The following PHC3 variants were observed in gnomAD, a reference collection of about 807,000 sequenced individuals.
PHC3 encodes the protein polyhomeotic-like protein 3.
PHC3 carries 13 observed loss-of-function variants against 107.4 expected under a neutral mutation model. The ratio of observed to expected loss-of-function variants is 0.12; its 90% confidence interval spans 0.08 to 0.19. The LOEUF (loss-of-function observed/expected upper bound fraction) is 0.19. PHC3 is among the 10% of genes least tolerant of loss of function. The pLI is 1.00. For synonymous variants in PHC3, 456 were observed against 427.4 expected (o/e 1.07, Z -0.83); for missense variants, 992 against 1,210.9 (o/e 0.82, Z 2.68).
chr3:170,119,036 T>TAAAAAAAAA (rs1002478959), intron 9 of PHC3, among the ~76,000 whole-genome samples: 31 of 72,564 alleles, frequency 4.3e-4, no homozygotes, highest in East Asian at 2.8e-3. Flanking sequence ...TATAAAAAGC[T>TAAAAAAAAA]AAAAAAAAAA....
intron 10 of PHC3, among the ~76,000 whole-genome samples, chr3:170,113,795 C>T (rs901845932): frequency 6.6e-6 from 1 of 152,136 alleles, no homozygotes; most frequent in African/African-American, 2.4e-5. Flanking sequence ...AAAAAAAAGT[C>T]TTAATATTCA....
intron 5 of PHC3, among the ~76,000 whole-genome samples, chr3:170,146,857 C>T (rs1445030980): frequency 2.1e-5 from 3 of 143,996 alleles, no homozygotes; most frequent in African/African-American, 5.1e-5. Flanking sequence ...ATTCAAACAA[C>T]TGCCATTAAT....
In PHC3 at chr3:170,136,702, G is replaced by C. The variant is rs769743423; in HGVS notation, c.673-37C>G. The C allele has an allele frequency of 3.1e-6, 5 of 1,599,976 alleles. No individual in the cohort carries two copies. In the South Asian group the frequency reaches 4.5e-5, roughly 14 times the overall value. ...ATAACAGAAAATTAGGATGAAAACA[G>C]ATGGTTTTAATTGATGTGGTCATCA... is the stretch of plus-strand genomic sequence containing the variant. On this transcript the variant is annotated intron_variant, in intron 6 of 14. Coordinates refer to ENST00000495893, the MANE Select transcript of PHC3 (RefSeq NM_024947.4).
chr3:170,165,109 T>C (rs994340036), intron 4 of PHC3, among the ~76,000 whole-genome samples: 15 of 152,280 alleles, frequency 9.9e-5, no homozygotes, highest in African/African-American at 2.6e-4. Flanking sequence ...GAGGCTTCAG[T>C]AGCAGCCTAG....
intron 12 of PHC3, among the ~76,000 whole-genome samples, chr3:170,106,608 T>C (rs1356443603): frequency 6.6e-6 from 1 of 152,218 alleles, no homozygotes; most frequent in Non-Finnish European, 1.5e-5. Flanking sequence ...TTAAGTATTA[T>C]GAATATGTAA....
intron 1 of PHC3, 126 bp downstream of exon 1, chr3:170,181,576 C>G: frequency 7.2e-7 from 1 of 1,383,518 alleles, no homozygotes; most frequent in Admixed American, 1.8e-5. Flanking sequence ...CACGATAGGA[C>G]GGGTCTCGAG....
chr3:170,146,877 CTTTTTTT>C (rs1035803336), intron 5 of PHC3, among the ~76,000 whole-genome samples: 12 of 98,006 alleles, frequency 1.2e-4, no homozygotes, highest in East Asian at 6.1e-4. Flanking sequence ...TCTATTTTTT[CTTTTTTT>C]TTTTTTTTTT....
In PHC3 at chr3:170,101,705, C is replaced by G. The variant is rs114172709; in HGVS notation, c.2833+774G>C. On this transcript the variant is annotated intron_variant, in intron 14 of 14. Transcript: ENST00000495893. ...CTTAACATATATAACTAGTGTGGGT[C>G]TCATCATGAGCAAAGGTGCAGCTGT... Among the ~76,000 whole-genome samples the G allele has an allele frequency of 4.8e-3, 730 of 152,112 alleles. 5 individuals are homozygous for G. The highest frequency in any genetic ancestry group is 0.017 in the African/African-American group (698 of 41,504).
rs189260074 is a variant in PHC3, at chr3:170,171,258, C to G, written c.414+115G>C. On this transcript the variant is annotated intron_variant, in intron 4 of 14. Coordinates refer to ENST00000495893, the MANE Select transcript of PHC3 (RefSeq NM_024947.4). ...CATTTCTATTTCTGGGCAATTGTTA[C>G]TTTAAACAGCATGCAACAAATTATA... The G allele has an allele frequency of 7.5e-4, 545 of 726,532 alleles. 5 individuals are homozygous for G. In the East Asian group the frequency reaches 0.014, roughly 19 times the overall value. The allele number at this position is 726,532 out of a possible 1,614,324, so 45.0% of individuals were successfully genotyped here.
intron 7 of PHC3, among the ~76,000 whole-genome samples, chr3:170,129,915 G>A (rs1721973686): frequency 6.6e-6 from 1 of 152,172 alleles, no homozygotes; most frequent in Admixed American, 6.5e-5. Context: ...GGCCAGGCTG[G>A]TCTTGAAACC....
intron 4 of PHC3, among the ~76,000 whole-genome samples, chr3:170,160,028 T>A (rs892092940): frequency 2.6e-5 from 4 of 152,234 alleles, no homozygotes; most frequent in Admixed American, 1.3e-4. Flanking sequence ...ATTCTTATCA[T>A]ACTGTCCTTT....
At chr3:170,119,655 CA>C (rs1429905105) in intron 9 of PHC3, among the ~76,000 whole-genome samples, 1 of 152,124 alleles carries the variant, frequency 6.6e-6, no homozygotes, top group Non-Finnish European at 1.5e-5. Flanking sequence ...AATTTTGCCA[CA>C]AATCTGTCTA....
intron 14 of PHC3, among the ~76,000 whole-genome samples, chr3:170,101,422 T>C (rs947225106): frequency 3.3e-5 from 5 of 152,210 alleles, no homozygotes; most frequent in Non-Finnish European, 7.4e-5. Flanking sequence ...TCCAAGACTT[T>C]AGTTGCCATC....
At chr3:170,161,837 C>T (rs1005274211) in intron 4 of PHC3, among the ~76,000 whole-genome samples, 2 of 152,178 alleles carry the variant, frequency 1.3e-5, no homozygotes, top group East Asian at 1.9e-4. Context: ...GTCTCTTCTT[C>T]GAATCAGTTC....
chr3:170,181,273 A>G (rs755516234), intron 1 of PHC3, among the ~76,000 whole-genome samples: 6 of 152,078 alleles, frequency 3.9e-5, no homozygotes, highest in East Asian at 1.9e-4. Context: ...GAAGGAGAAG[A>G]AGGCGAAGGA....
rs539789780 is a variant in PHC3, at chr3:170,098,634, T to C, written c.2834-1250A>G. On this transcript the variant is annotated intron_variant, in intron 14 of 14. Transcript: ENST00000495893. Reference sequence around the variant, plus strand: ...CAATAAACAAAAATATAATCTGCTATAGAAGAGCTATCTGTAAGAGTAATA... The same window carrying C: ...CAATAAACAAAAATATAATCTGCTACAGAAGAGCTATCTGTAAGAGTAATA... Among the ~76,000 whole-genome samples, 7 of 152,080 alleles carry C rather than the reference T, an allele frequency of 4.6e-5. No homozygotes were observed. In the East Asian group the frequency reaches 9.6e-4, roughly 21 times the overall value.
At chr3:170,175,252 G>A (rs1275511372) in intron 2 of PHC3, among the ~76,000 whole-genome samples, 1 of 152,148 alleles carries the variant, frequency 6.6e-6, no homozygotes, top group South Asian at 2.1e-4. Context: ...CAGAGTCAGT[G>A]CTATTTATGA....
At chr3:170,148,604 T>A (rs575850110) in intron 5 of PHC3, 1 of 152,848 alleles carries the variant, frequency 6.5e-6, no homozygotes, top group East Asian at 1.9e-4. Flanking sequence ...TGGGAGACTA[T>A]CCGGAACTCC....
rs908616466 is a variant in PHC3 at position 170,136,755 on chromosome 3, A to G, written c.673-90T>C. ...ACCATTATGACAATACTGACAACAC[A>G]TTTATATTATGCTTTTCATACGTAA... On this transcript the variant is annotated intron_variant, in intron 6 of 14. Coordinates refer to ENST00000495893, the MANE Select transcript of PHC3 (RefSeq NM_024947.4). 7 of 1,336,194 alleles carry G rather than the reference A, an allele frequency of 5.2e-6. No individual in the cohort carries two copies. In the African/African-American group the frequency reaches 1.0e-4, roughly 20 times the overall value. 82.8% of individuals were successfully genotyped at this position (1,336,194 alleles called of 1,614,324 possible). A position where few individuals can be genotyped will look rare whatever the true frequency, so the allele number is the denominator to read the frequency against.
Sources: gnomAD v4.1 joint callset for allele counts (sites outside exome capture counted in the v4.1 genomes callset) on GRCh38, gnomAD v4.1.1 for gene constraint, MANE v1.5 for transcripts, NCBI Gene and HGNC (gene_info 2026-07-23, HGNC 2026-07-21) for gene names.